Variants in FASTKD1 observed in about 807,000 individuals in gnomAD.
FASTKD1 encodes the protein FAST kinase domain-containing protein 1, mitochondrial.
In FASTKD1, 94 loss-of-function variants were observed where a neutral mutation model predicts 90.9. The ratio of observed to expected loss-of-function variants is 1.03; its 90% CI spans 0.88 to 1.23. FASTKD1 has a LOEUF of 1.23. Ranked by LOEUF, FASTKD1 falls within the 50% of genes most tolerant of loss-of-function variation. The pLI, the probability that FASTKD1 is intolerant of heterozygous loss-of-function variation, is 0.00. For synonymous variants in FASTKD1, 319 were observed against 345.8 expected (o/e 0.92, Z 0.86); for missense variants, 945 against 993.5 (o/e 0.95, Z 0.66).
chr2:169,546,749 A>AAT (rs771816416), intron 7 of FASTKD1, 45 bp from the exon 8 acceptor site: 1 of 1,525,198 alleles, frequency 6.6e-7, no homozygotes, highest in South Asian at 1.3e-5. Context: ...ACAAACCCAA[A>AAT]ATATATATGT....
rs186874916 is a variant in FASTKD1, at chr2:169,548,671, G to A, written c.1215-1967C>T. 2.9e-5 allele frequency among the ~76,000 whole-genome samples: 4 copies of A among 140,028 alleles called. 1 individual carries two copies. The Admixed American group carries it at 3.1e-4, about 11-fold the overall frequency. The allele number at this position is 140,028 out of a possible 152,430, so 91.9% of individuals were successfully genotyped here. A position where few individuals can be genotyped will look rare whatever the true frequency, so the allele number is the denominator to read the frequency against. ...CGCTTGAACCCGGGAGGCGGAGGTT[G>A]CAGTGAGCCGAGATCACGCCACTGC... On this transcript the variant is annotated intron_variant, in intron 7 of 14. Transcript: ENST00000453153.
chr2:169,560,231 C>T, intron 5 of FASTKD1, 156 bp downstream of exon 5: 1 of 456,210 alleles, frequency 2.2e-6, no homozygotes, highest in East Asian at 3.6e-5. Flanking sequence ...TTAGAATAAT[C>T]AGAAAAAGAA....
chr2:169,539,980 G>A (rs1684896778), intron 10 of FASTKD1, 71 bp downstream of exon 10: 7 of 953,740 alleles, frequency 7.3e-6, no homozygotes, highest in Non-Finnish European at 9.2e-6. Context: ...AAATTCTTCA[G>A]TATAGATAGA....
intron 7 of FASTKD1, among the ~76,000 whole-genome samples, chr2:169,551,431 G>A (rs528155996): frequency 2.5e-4 from 38 of 152,212 alleles, no homozygotes; most frequent in African/African-American, 8.2e-4. Flanking sequence ...ATTCTTACAA[G>A]AGAATACTAT....
chr2:169,560,848 T>C (rs976447290), intron 4 of FASTKD1, 63 bp from the exon 5 acceptor site: 51 of 1,282,498 alleles, frequency 4.0e-5, no homozygotes, highest in Admixed American at 6.4e-5. Flanking sequence ...TCTTTTTTTT[T>C]TTTTTTTTTT....
intron 9 of FASTKD1, among the ~76,000 whole-genome samples, chr2:169,541,797 A>C (rs1001903925): frequency 6.6e-6 from 1 of 152,114 alleles, no homozygotes; most frequent in African/African-American, 2.4e-5. Flanking sequence ...GGCAGAGCAA[A>C]AAGATCTGAG....
intron 4 of FASTKD1, among the ~76,000 whole-genome samples, chr2:169,562,049 A>T (rs1373933836): frequency 7.7e-6 from 1 of 130,428 alleles, no homozygotes; most frequent in African/African-American, 2.9e-5. Flanking sequence ...ATTGTAAATT[A>T]ATTATTTATT....
At position 169,540,053 on chromosome 2, in the gene FASTKD1, T is replaced by C; in HGVS notation, c.1943A>G (p.Glu648Gly). 6.4e-7 allele frequency: 1 copy of C among 1,561,772 alleles called. No homozygotes were observed. Among genetic ancestry groups the C allele is most frequent in the East Asian group, 2.3e-5 (1 of 44,416 alleles). The change falls in exon 10 of 15, where the codon GAA (glutamate) becomes GGA (glycine). Residue 648 changes from glutamate to glycine, a missense_variant and splice_region_variant. Transcript: ENST00000453153. ...KFLARLDSQL[E>G]ILSPSRSARV... ...TAAATTAAAAGATAGATACATACTT[T>C]CAAGTTGAGAATCCAATCTAGCTAA...
chr2:169,555,485 A>G (rs1683258386), intron 6 of FASTKD1, among the ~76,000 whole-genome samples: 1 of 152,238 alleles, frequency 6.6e-6, no homozygotes, highest in Admixed American at 6.5e-5. Context: ...TCACTTATCA[A>G]TAGTACAAGA....
intron 7 of FASTKD1, among the ~76,000 whole-genome samples, chr2:169,551,810 ATACT>A (rs1298402326): frequency 1.3e-5 from 2 of 152,196 alleles, no homozygotes; most frequent in Non-Finnish European, 2.9e-5. Context: ...AAAGGAAATC[ATACT>A]AATGATTCCA....
At position 169,555,111 on chromosome 2, in the gene FASTKD1, A is replaced by T. The variant is rs1167087950; in HGVS notation, c.1214+13T>A. The T allele has an allele frequency of 1.9e-6, 3 of 1,602,116 alleles. No homozygotes were observed. The highest frequency in any genetic ancestry group is 2.6e-6 in the Non-Finnish European group (3 of 1,175,866). On this transcript the variant is annotated intron_variant, in intron 7 of 14. Transcript: ENST00000453153. The stretch of plus-strand genomic sequence containing the variant: ...AAATGAAACACTAAACAAAATTTCT[A>T]TTTTAATCTTACCTAAGCAGTAATT...
chr2:169,532,402 CAAA>C (rs57524382), intron 12 of FASTKD1, among the ~76,000 whole-genome samples: 1 of 80,558 alleles, frequency 1.2e-5, no homozygotes. Flanking sequence ...CAGAGCCAGA[CAAA>C]AAAAAAAAAA....
Position 169,546,700 on chromosome 2 carries a change from A to C in FASTKD1, c.1219T>G (p.Leu407Val). Residue 407 changes from leucine to valine, a missense_variant, in exon 8 of 15, where the codon TTG becomes GTG. Leu to Val is a conservative substitution (Grantham distance 32). Coordinates refer to ENST00000453153, the MANE Select transcript of FASTKD1 (RefSeq NM_024622.6). ...TCAGTTGGTATGAAACTATTTTTCA[A>C]ATAACTGCAAAATGAAAAATGAAAA... The part of the protein sequence containing the change: ...AKLRELLLSY[L>V]KNSFIPTEVS... 6.3e-7 allele frequency: 1 copy of C among 1,591,214 alleles called. No homozygotes were observed.
At chr2:169,544,434 G>C (rs1406554819) in intron 9 of FASTKD1, among the ~76,000 whole-genome samples, 2 of 151,978 alleles carry the variant, frequency 1.3e-5, no homozygotes, top group African/African-American at 4.8e-5. Flanking sequence ...AGCCGGGTGT[G>C]GTGGCACATG....
rs541992657 is a variant in FASTKD1, at chr2:169,544,800, T to C, written c.1737A>G (p.Pro579=). The part of the protein sequence containing the change: ...HPFTIPAIIR[P]FSVLNYDPPQ... ...GTGGATCATAGTTCAATACGCTGAA[T>C]GGACGAATAATAGCAGGGATTGTAA... The change falls in exon 9 of 15, where the codon CCA becomes CCG. Residue 579 remains proline, a synonymous_variant. Transcript: ENST00000453153. 1.4e-5 allele frequency: 23 copies of C among 1,612,470 alleles called. No individual in the cohort carries two copies. The South Asian group carries it at 2.4e-4, about 17-fold the overall frequency.
In FASTKD1 at chr2:169,571,633, T is replaced by C. The variant is rs904921341; in HGVS notation, c.377+20A>G. 3.6e-6 allele frequency: 5 copies of C among 1,402,118 alleles called. No homozygotes were observed. Among genetic ancestry groups the C allele is most frequent in the Non-Finnish European group, 9.7e-7 (1 of 1,026,262 alleles). 86.9% of individuals were successfully genotyped at this position (1,402,118 alleles called of 1,614,324 possible). ...TAAACTATATAATCATTCCATAAAA[T>C]ATAAAAGTAAATTACTTACTGTTGT... On this transcript the variant is annotated intron_variant, in intron 2 of 14. Coordinates refer to ENST00000453153, the MANE Select transcript of FASTKD1 (RefSeq NM_024622.6).
intron 2 of FASTKD1, among the ~76,000 whole-genome samples, chr2:169,570,720 G>T (rs1684197391): frequency 7.0e-6 from 1 of 142,908 alleles, no homozygotes; most frequent in Non-Finnish European, 1.5e-5. Context: ...CTGTCGCCCA[G>T]AATGGAGTAG....
chr2:169,544,541 AG>A (rs1375375572), intron 9 of FASTKD1, among the ~76,000 whole-genome samples, 179 bp downstream of exon 9: 1 of 152,204 alleles, frequency 6.6e-6, no homozygotes, highest in Non-Finnish European at 1.5e-5. Flanking sequence ...ACTACACTCC[AG>A]CCTGGGCGAC....
chr2:169,571,832 C>T lies in FASTKD1; in HGVS notation c.198G>A (p.Lys66=), dbSNP rs556219473. The T allele has an allele frequency of 5.1e-5, 83 of 1,613,926 alleles. No individual in the cohort carries two copies. The South Asian group carries it at 8.7e-4, about 17-fold the overall frequency. The change falls in exon 2 of 15, where the codon AAG becomes AAA. Residue 66 remains lysine, a synonymous_variant. Coordinates refer to ENST00000453153, the MANE Select transcript of FASTKD1 (RefSeq NM_024622.6). ...GCATATCAAATGCACATCCCACTTGCTTTTCTGAAAGTATGGCTTTGTTTC... is the reference window on the plus strand; with the variant it reads ...GCATATCAAATGCACATCCCACTTGTTTTTCTGAAAGTATGGCTTTGTTTC... The part of the protein sequence containing the change: ...IERNKAILSE[K]QVGCAFDMLW...
Sources: allele counts gnomAD v4.1 joint callset (sites outside exome capture counted in the v4.1 genomes callset), GRCh38; gene constraint gnomAD v4.1.1; transcripts MANE v1.5; gene names NCBI Gene and HGNC (gene_info 2026-07-23, HGNC 2026-07-21).